Variants in ERBB4 observed in about 807,000 individuals in gnomAD.
ERBB4 encodes erb-b2 receptor tyrosine kinase 4.
A neutral mutation model predicts 158.0 loss-of-function variants in ERBB4; 42 were observed. The observed-to-expected ratio is 0.27, with a 90% confidence interval of 0.21 to 0.34. The LOEUF is 0.34. ERBB4 is among the 10% of genes least tolerant of loss of function. The pLI is 1.00. For synonymous variants in ERBB4, 583 were observed against 558.7 expected, an observed-to-expected ratio of 1.04 and a Z score of -0.61; for missense variants, 1,333 against 1,624.1, an observed-to-expected ratio of 0.82 and a Z score of 3.08.
intron 27 of ERBB4, among the ~76,000 whole-genome samples, chr2:211,386,243 A>G (rs2062682645): frequency 6.6e-6 from 1 of 152,162 alleles, no homozygotes; most frequent in South Asian, 2.1e-4. Flanking sequence ...ACTTTACAAA[A>G]TTATTGTTAT....
intron 1 of ERBB4, among the ~76,000 whole-genome samples, chr2:212,458,489 G>A (rs1314251404): frequency 1.3e-5 from 2 of 152,116 alleles, no homozygotes; most frequent in African/African-American, 2.4e-5. Context: ...CAGGCATATA[G>A]AGAGAGGAAG....
chr2:211,636,084 T>C (rs2070348374), intron 16 of ERBB4, among the ~76,000 whole-genome samples: 1 of 139,472 alleles, frequency 7.2e-6, no homozygotes, highest in Admixed American at 7.9e-5. Flanking sequence ...GGGCACTAAA[T>C]GTTAAACTGA....
At chr2:212,310,438 ATTTG>A (rs1322048073) in intron 1 of ERBB4, among the ~76,000 whole-genome samples, 1 of 150,704 alleles carries the variant, frequency 6.6e-6, no homozygotes, top group Non-Finnish European at 1.5e-5. Context: ...ATTAGTGAAT[ATTTG>A]TTTTTCTTTT....
chr2:211,426,534 C>T (rs2063631395), intron 22 of ERBB4, among the ~76,000 whole-genome samples: 1 of 152,010 alleles, frequency 6.6e-6, no homozygotes, highest in African/African-American at 2.4e-5. Context: ...TTTATTTTTG[C>T]TGAACAGTTC....
intron 3 of ERBB4, among the ~76,000 whole-genome samples, chr2:211,893,491 T>C (rs1226670154): frequency 1.4e-5 from 2 of 140,768 alleles, no homozygotes; most frequent in Non-Finnish European, 3.1e-5. Flanking sequence ...ATTCAGGACA[T>C]AGGCATGGGC....
chr2:211,716,694 CAACAACAAAACAA>C (rs1213820228), intron 7 of ERBB4, among the ~76,000 whole-genome samples: 1 of 141,340 alleles, frequency 7.1e-6, no homozygotes, highest in African/African-American at 2.8e-5. Context: ...ACAACAACAA[CAACAACAAAACAA>C]AACAAAAAAA....
chr2:211,580,800 A>ATATATAT (rs2068049728), intron 19 of ERBB4, among the ~76,000 whole-genome samples: 2 of 14,446 alleles, frequency 1.4e-4, no homozygotes, highest in Non-Finnish European at 2.1e-4. Context: ...ATATATATAT[A>ATATATAT]TATATATATA....
At chr2:212,168,004 A>G (rs1011318333) in intron 1 of ERBB4, among the ~76,000 whole-genome samples, 1 of 151,938 alleles carries the variant, frequency 6.6e-6, no homozygotes, top group African/African-American at 2.4e-5. Flanking sequence ...CCACCATGGC[A>G]CACGTATACC....
chr2:212,179,007 A>C (rs2081767797), intron 1 of ERBB4, among the ~76,000 whole-genome samples: 1 of 151,718 alleles, frequency 6.6e-6, no homozygotes. Context: ...TATACAATTA[A>C]TATATAAAAG....
At chr2:212,022,609 A>G (rs1196474921) in intron 2 of ERBB4, among the ~76,000 whole-genome samples, 1 of 152,106 alleles carries the variant, frequency 6.6e-6, no homozygotes, top group Non-Finnish European at 1.5e-5. Flanking sequence ...ATGGTTTGAT[A>G]GGTGCAGCAA....
chr2:212,343,171 T>G (rs1410218586), intron 1 of ERBB4, among the ~76,000 whole-genome samples: 3 of 152,168 alleles, frequency 2.0e-5, no homozygotes, highest in Non-Finnish European at 4.4e-5. Context: ...AACATTTCCT[T>G]GACCCGCTGC....
chr2:212,393,899 G>A (rs1313833167), intron 1 of ERBB4, among the ~76,000 whole-genome samples: 2 of 152,040 alleles, frequency 1.3e-5, no homozygotes, highest in Non-Finnish European at 2.9e-5. Context: ...TAGGCCAGAT[G>A]CAAAAATGCC....
At chr2:211,472,607 G>A (rs1046822164) in intron 20 of ERBB4, among the ~76,000 whole-genome samples, 5 of 151,322 alleles carry the variant, frequency 3.3e-5, no homozygotes, top group East Asian at 1.9e-4. Context: ...TCCTCACGAC[G>A]GTAATTTAAG....
intron 20 of ERBB4, among the ~76,000 whole-genome samples, chr2:211,527,911 C>A (rs1341560951): frequency 6.6e-6 from 1 of 151,808 alleles, no homozygotes; most frequent in Non-Finnish European, 1.5e-5. Context: ...CAGAGAAAGT[C>A]ACGTTCACTA....
At chr2:211,441,142 C>T (rs904830003) in intron 20 of ERBB4, among the ~76,000 whole-genome samples, 5 of 152,134 alleles carry the variant, frequency 3.3e-5, no homozygotes, top group Admixed American at 6.5e-5. Context: ...TGGATGCCCA[C>T]TTTGACACAC....
intron 20 of ERBB4, among the ~76,000 whole-genome samples, chr2:211,520,626 T>C (rs2066161688): frequency 6.6e-6 from 1 of 152,136 alleles, no homozygotes; most frequent in African/African-American, 2.4e-5. Flanking sequence ...AACCTTGGTC[T>C]AGAAAAACAG....
chr2:211,766,722 G>A (rs771475205), intron 4 of ERBB4, among the ~76,000 whole-genome samples: 4 of 152,106 alleles, frequency 2.6e-5, no homozygotes, highest in African/African-American at 7.2e-5. Flanking sequence ...GGAACCTAAC[G>A]CCGATCTGTG....
At chr2:212,074,617 G>A (rs981474703) in intron 2 of ERBB4, among the ~76,000 whole-genome samples, 3 of 151,806 alleles carry the variant, frequency 2.0e-5, no homozygotes, top group African/African-American at 7.2e-5. Context: ...CAGCAACCTG[G>A]GGAGACAATG....
At chr2:212,067,603 CAG>C (rs1027863357) in intron 2 of ERBB4, among the ~76,000 whole-genome samples, 3 of 151,990 alleles carry the variant, frequency 2.0e-5, no homozygotes, top group African/African-American at 7.2e-5. Flanking sequence ...ATTGGTCACA[CAG>C]AGAGTTTACC....
Sources: gnomAD v4.1 joint callset for allele counts (sites outside exome capture counted in the v4.1 genomes callset) on GRCh38, gnomAD v4.1.1 for gene constraint, MANE v1.5 for transcripts, NCBI Gene and HGNC (gene_info 2026-07-23, HGNC 2026-07-21) for gene names.